The following PHKB variants were observed in gnomAD, a reference collection of about 807,000 sequenced individuals.
PHKB encodes the protein phosphorylase b kinase regulatory subunit beta.
Under a neutral mutation model 152.1 loss-of-function variants are expected in PHKB, and 122 were observed. The observed-to-expected ratio is 0.80, with a 90% CI of 0.69 to 0.93. The LOEUF (loss-of-function observed/expected upper bound fraction) is 0.93, where lower values mean the gene tolerates loss of function less well. Ranked by LOEUF, PHKB falls within the 40% of genes least tolerant of loss-of-function variation. The pLI is 0.00. For synonymous variants in PHKB, 436 were observed against 464.9 expected, an observed-to-expected ratio of 0.94 and a Z score of 0.80; for missense variants, 1,304 against 1,328.4, an observed-to-expected ratio of 0.98 and a Z score of 0.29.
chr16:47,473,213 G>A (rs1281383978), intron 1 of PHKB, among the ~76,000 whole-genome samples: 1 of 99,230 alleles, frequency 1.0e-5, no homozygotes, highest in African/African-American at 3.1e-5. Context: ...TACCATGCCT[G>A]GCTAATTTTT....
In PHKB at chr16:47,678,389, G is replaced by C. The variant is rs567295415; in HGVS notation, c.2630+8972G>C. 1.0e-3 allele frequency among the ~76,000 whole-genome samples: 158 copies of C among 152,330 alleles called. 1 individual carries two copies. The highest frequency in any genetic ancestry group is 1.3e-4 in the Non-Finnish European group (9 of 68,032). On this transcript the variant is annotated intron_variant, in intron 26 of 30. Coordinates refer to ENST00000323584, the MANE Select transcript of PHKB (RefSeq NM_000293.3). The stretch of plus-strand genomic sequence containing the variant: ...GAACTAGTTCAGAGTCCCACCAACA[G>C]TGTAAAAGTGTTCCTCTTTCTCCAC...
At chr16:47,497,317 GCTT>G (rs1443724903) in intron 1 of PHKB, 79 bp from the exon 2 acceptor site, 10 of 845,222 alleles carry the variant, frequency 1.2e-5, no homozygotes, top group African/African-American at 6.7e-5. Flanking sequence ...ATTAAGCACT[GCTT>G]CTTCATTTGT....
intron 6 of PHKB, among the ~76,000 whole-genome samples, chr16:47,525,537 C>T (rs940836448): frequency 1.3e-5 from 2 of 152,156 alleles, no homozygotes; most frequent in African/African-American, 4.8e-5. Context: ...ACTCTTTTCT[C>T]CCCTGCCTAA....
intron 6 of PHKB, among the ~76,000 whole-genome samples, chr16:47,544,004 G>A (rs184001711): frequency 7.2e-5 from 11 of 151,760 alleles, no homozygotes; most frequent in South Asian, 4.2e-4. Flanking sequence ...CTTGCTAGTC[G>A]TCTATCAATT....
intron 7 of PHKB, chr16:47,565,274 C>G: frequency 1.4e-6 from 1 of 721,076 alleles, no homozygotes; most frequent in Non-Finnish European, 2.6e-6. Context: ...CCCTCTGTCT[C>G]CTGGACCATG....
intron 20 of PHKB, among the ~76,000 whole-genome samples, chr16:47,654,377 T>G (rs1038871087): frequency 2.0e-5 from 3 of 152,306 alleles, no homozygotes; most frequent in Non-Finnish European, 4.4e-5. Flanking sequence ...GTTCAACCAT[T>G]GTGGATGTCG....
intron 4 of PHKB, among the ~76,000 whole-genome samples, chr16:47,504,901 GC>G (rs945216438): frequency 5.9e-5 from 9 of 152,250 alleles, no homozygotes; most frequent in African/African-American, 2.2e-4. Context: ...CAGAGGTGGA[GC>G]ACCAGGGCAC....
intron 7 of PHKB, chr16:47,547,760 CT>C: frequency 2.0e-6 from 1 of 512,794 alleles, no homozygotes; most frequent in Non-Finnish European, 3.5e-6. Flanking sequence ...AAGTAGGTGT[CT>C]TTCCCAACCT....
intron 14 of PHKB, among the ~76,000 whole-genome samples, 195 bp downstream of exon 14, chr16:47,611,115 C>T (rs1488980668): frequency 6.6e-6 from 1 of 152,148 alleles, no homozygotes; most frequent in East Asian, 1.9e-4. Flanking sequence ...ATGGGTCCAA[C>T]AAAGTGCCTT....
chr16:47,479,315 A>G (rs1969924485), intron 1 of PHKB, among the ~76,000 whole-genome samples: 1 of 152,138 alleles, frequency 6.6e-6, no homozygotes, highest in African/African-American at 2.4e-5. Context: ...TTGATATTTA[A>G]GCTGTTTTAG....
intron 14 of PHKB, among the ~76,000 whole-genome samples, chr16:47,611,330 C>G (rs111545596): frequency 1.3e-5 from 2 of 152,032 alleles, no homozygotes; most frequent in African/African-American, 4.8e-5. Flanking sequence ...GACTTGGTGA[C>G]GTGTTGGGCA....
intron 14 of PHKB, among the ~76,000 whole-genome samples, chr16:47,640,560 T>C (rs966601940): frequency 6.6e-6 from 1 of 152,214 alleles, no homozygotes; most frequent in African/African-American, 2.4e-5. Context: ...AAAGTTATTT[T>C]GATGTATAAG....
At chr16:47,534,436 A>G (rs1403364850) in intron 6 of PHKB, among the ~76,000 whole-genome samples, 1 of 152,216 alleles carries the variant, frequency 6.6e-6, no homozygotes, top group African/African-American at 2.4e-5. Context: ...GCTCTTTCCT[A>G]GAGACATACT....
intron 3 of PHKB, among the ~76,000 whole-genome samples, chr16:47,502,601 G>T (rs1215757520): frequency 6.6e-6 from 1 of 152,158 alleles, no homozygotes; most frequent in Non-Finnish European, 1.5e-5. Context: ...AATCCAAGCG[G>T]CCATTGCATA....
chr16:47,474,175 T>C (rs1394266497), intron 1 of PHKB, among the ~76,000 whole-genome samples: 1 of 152,370 alleles, frequency 6.6e-6, no homozygotes, highest in South Asian at 2.1e-4. Flanking sequence ...ATATATATCA[T>C]TGATTTTTCA....
intron 1 of PHKB, among the ~76,000 whole-genome samples, chr16:47,477,398 C>G (rs756584637): frequency 6.6e-6 from 1 of 152,028 alleles, no homozygotes; most frequent in African/African-American, 2.4e-5. Context: ...TAATCATGTT[C>G]GAAGATTAGT....
At chr16:47,587,585 G>T in intron 8 of PHKB, 83 bp from the exon 9 acceptor site, 1 of 939,508 alleles carries the variant, frequency 1.1e-6, no homozygotes, top group South Asian at 1.4e-5. Context: ...CAGTATTTTT[G>T]TGAAGTTTTC....
intron 14 of PHKB, among the ~76,000 whole-genome samples, chr16:47,628,190 T>C (rs1398738102): frequency 6.6e-6 from 1 of 152,162 alleles, no homozygotes; most frequent in Admixed American, 6.5e-5. Context: ...AAAAGACCTA[T>C]GTAAGCCAGA....
intron 15 of PHKB, among the ~76,000 whole-genome samples, 179 bp downstream of exon 15, chr16:47,641,269 A>G (rs1319862416): frequency 1.3e-5 from 2 of 152,202 alleles, no homozygotes; most frequent in Admixed American, 6.5e-5. Context: ...TTTCGTGTTT[A>G]AAAATAATTT....
Sources: allele counts gnomAD v4.1 joint callset (sites outside exome capture counted in the v4.1 genomes callset), GRCh38; gene constraint gnomAD v4.1.1; transcripts MANE v1.5; gene names NCBI Gene and HGNC (gene_info 2026-07-23, HGNC 2026-07-21).